DPP6: variants seen among roughly 807,000 people sequenced by gnomAD.
The protein encoded by DPP6 is dipeptidyl peptidase like 6, also known as A-type potassium channel modulatory protein DPP6.
DPP6 carries 69 observed loss-of-function variants against 122.6 expected under a neutral mutation model. The observed-to-expected ratio is 0.56, with a 90% confidence interval of 0.46 to 0.69. DPP6 has a LOEUF of 0.69. Among genes scored for constraint, DPP6 ranks in the 30% least tolerant of loss-of-function variants. DPP6 has a pLI of 0.00. For missense variants in DPP6, 928 were observed against 1,116.9 expected, an observed-to-expected ratio of 0.83 and a Z score of 2.41; for synonymous variants, 418 against 433.1, an observed-to-expected ratio of 0.97 and a Z score of 0.43.
intron 1 of DPP6, among the ~76,000 whole-genome samples, chr7:154,395,557 C>A (rs1815006240): frequency 6.6e-6 from 1 of 151,712 alleles, no homozygotes; most frequent in Admixed American, 6.6e-5. Context: ...TCAGATTGTT[C>A]ATTGTTAGCA....
chr7:154,286,500 A>C (rs1304366777), intron 1 of DPP6, among the ~76,000 whole-genome samples: 1 of 152,222 alleles, frequency 6.6e-6, no homozygotes, highest in Middle Eastern at 3.2e-3. Flanking sequence ...TTCATCTATC[A>C]GGGGACTTGA....
intron 1 of DPP6, among the ~76,000 whole-genome samples, chr7:153,950,359 G>A (rs1034166192): frequency 6.6e-6 from 1 of 152,176 alleles, no homozygotes; most frequent in African/African-American, 2.4e-5. Flanking sequence ...TGTGAGACAA[G>A]AGGAGGTAGA....
chr7:154,390,240 A>G (rs1814499357), intron 1 of DPP6, among the ~76,000 whole-genome samples: 1 of 152,222 alleles, frequency 6.6e-6, no homozygotes, highest in Non-Finnish European at 1.5e-5. Context: ...GGAGGGTTAA[A>G]GTAAGACAGG....
chr7:154,523,262 T>G (rs566328574), intron 3 of DPP6, among the ~76,000 whole-genome samples: 1 of 152,340 alleles, frequency 6.6e-6, no homozygotes, highest in Non-Finnish European at 1.5e-5. Flanking sequence ...TACTGTACTC[T>G]ACAGAAAAGT....
chr7:153,970,094 A>T (rs974723046), intron 1 of DPP6, among the ~76,000 whole-genome samples: 1 of 152,234 alleles, frequency 6.6e-6, no homozygotes, highest in African/African-American at 2.4e-5. Flanking sequence ...GTTGATGGAC[A>T]TTTGGGTTGT....
At chr7:154,152,155 G>A (rs1158747082) in intron 1 of DPP6, among the ~76,000 whole-genome samples, 2 of 151,622 alleles carry the variant, frequency 1.3e-5, no homozygotes, top group Non-Finnish European at 2.9e-5. Flanking sequence ...GAGATAAAGG[G>A]GTTGCTGGAG....
Position 153,899,449 on chromosome 7 carries a change from G to A in DPP6, c.51+11715G>A, listed in dbSNP as rs79658762. Among the ~76,000 whole-genome samples the A allele has an allele frequency of 1.8e-3, 268 of 152,234 alleles. 2 individuals carry two copies. The highest frequency in any genetic ancestry group is 6.2e-3 in the African/African-American group (256 of 41,552). On this transcript the variant is annotated intron_variant, in intron 1 of 25. Coordinates refer to the DPP6 transcript ENST00000404039. The stretch of plus-strand genomic sequence containing the variant: ...ACAGAGGAATGCAATGGATCGTCTC[G>A]CTCATCCACCTTTTGCCATTTGTTT...
chr7:154,813,639 A>G (rs561728389), intron 16 of DPP6, among the ~76,000 whole-genome samples: 2 of 152,142 alleles, frequency 1.3e-5, no homozygotes, highest in East Asian at 1.9e-4. Context: ...ACATTGTGGA[A>G]ACTCACCTAT....
At chr7:153,805,370 G>T in the DPP6 span, among the ~76,000 whole-genome samples, 4 of 152,210 alleles carry the variant, frequency 2.6e-5, no homozygotes, top group African/African-American at 9.6e-5. Flanking sequence ...AGTTGTTGTT[G>T]TTGGAACACT....
At chr7:154,506,837 G>A (rs992498567) in intron 3 of DPP6, among the ~76,000 whole-genome samples, 3 of 152,138 alleles carry the variant, frequency 2.0e-5, no homozygotes, top group Admixed American at 6.5e-5. Flanking sequence ...ACAGAGAAGC[G>A]CTATCAAACA....
chr7:154,491,270 G>A (rs1359973670), intron 3 of DPP6, among the ~76,000 whole-genome samples: 2 of 152,260 alleles, frequency 1.3e-5, no homozygotes, highest in African/African-American at 4.8e-5. Context: ...CAAACAAGGG[G>A]GTTGGAAATA....
intron 1 of DPP6, among the ~76,000 whole-genome samples, chr7:154,034,302 T>C (rs967457978): frequency 6.6e-6 from 1 of 152,158 alleles, no homozygotes; most frequent in Non-Finnish European, 1.5e-5. Context: ...GTTCAGTTGT[T>C]CCAATCCTTT....
chr7:153,984,028 T>G (rs1485684743), intron 1 of DPP6, among the ~76,000 whole-genome samples: 1 of 148,898 alleles, frequency 6.7e-6, no homozygotes, highest in Non-Finnish European at 1.5e-5. Context: ...CAGATGCTGT[T>G]TATTCTAACA....
chr7:153,990,815 G>A (rs1444100667), intron 1 of DPP6, among the ~76,000 whole-genome samples: 8 of 152,214 alleles, frequency 5.3e-5, no homozygotes, highest in Admixed American at 4.6e-4. Flanking sequence ...AAAAGAGGAC[G>A]AAGGAGTGAC....
rs982614823 is a variant in DPP6 at position 154,082,501 on chromosome 7, A to G, written c.243+29438A>G. On this transcript the variant is annotated intron_variant, in intron 1 of 25. Transcript: ENST00000377770. The stretch of plus-strand genomic sequence containing the variant: ...AGTGAGGAGTAGCAAGAAGTCACCT[A>G]ATTTCAACAACACAATCATTTCAGG... Among the ~76,000 whole-genome samples, 4 of 152,030 alleles carry G rather than the reference A, an allele frequency of 2.6e-5. No homozygotes were observed. The East Asian group carries it at 7.8e-4, about 30-fold the overall frequency.
At chr7:153,989,126 G>A (rs1477644456) in intron 1 of DPP6, among the ~76,000 whole-genome samples, 2 of 149,566 alleles carry the variant, frequency 1.3e-5, no homozygotes, top group Admixed American at 6.8e-5. Context: ...GGAGGAGGGC[G>A]GCTCTCTGGT....
At chr7:154,224,290 C>T (rs1190978872) in intron 1 of DPP6, among the ~76,000 whole-genome samples, 1 of 148,728 alleles carries the variant, frequency 6.7e-6, no homozygotes, top group Admixed American at 6.6e-5. Flanking sequence ...CCACTGCACT[C>T]CAGCCTGGGT....
intron 10 of DPP6, among the ~76,000 whole-genome samples, chr7:154,774,349 C>A (rs1346003975): frequency 6.6e-6 from 1 of 152,152 alleles, no homozygotes; most frequent in East Asian, 1.9e-4. Context: ...GTTTTCCTTT[C>A]AGCCCCCATC....
At chr7:154,225,849 G>C (rs1800567557) in intron 1 of DPP6, among the ~76,000 whole-genome samples, 1 of 152,056 alleles carries the variant, frequency 6.6e-6, no homozygotes, top group African/African-American at 2.4e-5. Context: ...ATACACTAGT[G>C]CCCACCCTCT....
Sources: allele counts gnomAD v4.1 joint callset (sites outside exome capture counted in the v4.1 genomes callset), GRCh38; gene constraint gnomAD v4.1.1; transcripts MANE v1.5; gene names NCBI Gene and HGNC (gene_info 2026-07-23, HGNC 2026-07-21).